The following SGSM2 variants were observed in gnomAD, a reference collection of about 807,000 sequenced individuals.
SGSM2 encodes small G protein signaling modulator 2, also known as RUN and TBC1 domain containing 1.
In SGSM2, 89 loss-of-function variants were observed where a neutral mutation model predicts 126.6. That is an observed-to-expected ratio of 0.70 (90% CI 0.59 to 0.84). The LOEUF (loss-of-function observed/expected upper bound fraction) is 0.84, where lower values mean the gene tolerates loss of function less well. Ranked by LOEUF, SGSM2 falls within the 40% of genes least tolerant of loss-of-function variation. SGSM2 has a pLI of 0.00. For missense variants in SGSM2, 1,404 were observed against 1,416.6 expected, an observed-to-expected ratio of 0.99 and a Z score of 0.14; for synonymous variants, 614 against 574.3, an observed-to-expected ratio of 1.07 and a Z score of -0.99.
In SGSM2 at chr17:2,372,328, C is replaced by T. The variant is rs368089721; in HGVS notation, c.1643-15C>T. 6.4e-5 allele frequency: 103 copies of T among 1,603,126 alleles called. No homozygotes were observed. Among genetic ancestry groups the T allele is most frequent in the Middle Eastern group, 1.7e-4 (1 of 5,846 alleles). The stretch of plus-strand genomic sequence containing the variant: ...TGGGTCCCAGCCTCCTGCTGCCCAC[C>T]GCTGCCCACCGCAGGGCTGGCACAC... On this transcript the variant is annotated splice_polypyrimidine_tract_variant and intron_variant, in intron 14 of 23. Coordinates refer to ENST00000268989, the MANE Select transcript of SGSM2 (RefSeq NM_014853.3). The surrounding 1 kb of genome is among the most constrained non-coding windows in gnomAD (Gnocchi z 6.0).
rs2065893700 is a variant in SGSM2, at chr17:2,372,002, C to G, written c.1578-188C>G. 4 of 653,746 alleles carry G rather than the reference C, an allele frequency of 6.1e-6. No individual in the cohort carries two copies. The South Asian group carries it at 7.6e-5, about 12-fold the overall frequency. The allele number at this position is 653,746 out of a possible 1,614,324, so 40.5% of individuals were successfully genotyped here. On this transcript the variant is annotated intron_variant, in intron 13 of 23. Transcript: ENST00000268989. This position sits in a 1 kb window ranked among gnomAD's most constrained non-coding sequence, Gnocchi z 6.0. ...GGTGGTTGGGGGCCAGGCGGGGGCC[C>G]CACAGCACTCTGTCCAGGTGGCAGG...
rs927839158 is a variant in SGSM2 at position 2,362,793 on chromosome 17, A to G, written c.459-45A>G. 1.9e-6 allele frequency: 3 copies of G among 1,604,686 alleles called. No individual in the cohort carries two copies. The African/African-American group carries it at 4.0e-5, about 21-fold the overall frequency. On this transcript the variant is annotated intron_variant, in intron 4 of 23. Coordinates refer to ENST00000268989, the MANE Select transcript of SGSM2 (RefSeq NM_014853.3). This position sits in a 1 kb window ranked among gnomAD's most constrained non-coding sequence, Gnocchi z 4.9. ...ACCTGGTGAGCTTGACTGCCCTGGA[A>G]TGAGCCCCGGAGCCTCGGCAGTCAC...
intron 10 of SGSM2, 22 bp from the exon 11 acceptor site, chr17:2,365,193 C>A (rs1338564392): frequency 6.2e-7 from 1 of 1,602,390 alleles, no homozygotes; most frequent in Non-Finnish European, 8.5e-7. Context: ...TACAGCCCGA[C>A]CACCTACCCC....
intron 1 of SGSM2, among the ~76,000 whole-genome samples, chr17:2,342,281 A>T (rs2151473452): frequency 6.7e-6 from 1 of 149,204 alleles, no homozygotes; most frequent in Non-Finnish European, 1.5e-5. Context: ...AAAAAAAGCC[A>T]GGTGTGGTGG....
In SGSM2 at chr17:2,337,828, G is replaced by A. The variant is rs1254774039; in HGVS notation, c.57+83G>A. ...GCAGAAAGGTCCGCGCCCACCCCCC[G>A]GCGCGGGCACCCGGGCCGAACCTGG... On this transcript the variant is annotated intron_variant, in intron 1 of 23. Transcript: ENST00000268989. The surrounding 1 kb of genome is among the most constrained non-coding windows in gnomAD (Gnocchi z 5.1). 27 of 1,104,618 alleles carry A rather than the reference G, an allele frequency of 2.4e-5. No homozygotes were observed. Among genetic ancestry groups the A allele is most frequent in the Admixed American group, 3.6e-5 (1 of 27,412 alleles). 68.4% of individuals were successfully genotyped at this position (1,104,618 alleles called of 1,614,324 possible). A position where few individuals can be genotyped will look rare whatever the true frequency, so the allele number is the denominator to read the frequency against.
At chr17:2,358,796 C>A (rs2065183181) in intron 2 of SGSM2, among the ~76,000 whole-genome samples, 1 of 151,838 alleles carries the variant, frequency 6.6e-6, no homozygotes, top group African/African-American at 2.4e-5. Flanking sequence ...CTCTCCTAAT[C>A]ATTCTAGAGC....
At chr17:2,364,762 C>G in intron 9 of SGSM2, 99 bp downstream of exon 9, 1 of 1,561,062 alleles carries the variant, frequency 6.4e-7, no homozygotes, top group Non-Finnish European at 8.8e-7. Flanking sequence ...CGTCCTCCTC[C>G]CATCCTTGTT....
intron 22 of SGSM2, 26 bp from the exon 23 acceptor site, chr17:2,379,010 G>A (rs1260348327): frequency 6.2e-7 from 1 of 1,605,892 alleles, no homozygotes; most frequent in South Asian, 1.1e-5. Context: ...TAGGACGGGT[G>A]AGCAGCAGCC....
Position 2,371,389 on chromosome 17 carries a change from C to G in SGSM2, c.1551C>G (p.Pro517=), listed in dbSNP as rs377420262. ...CSSSSSPHAT[P]SHCSCIPDRL... ...CCAGCAGCTCCCCACATGCAACCCC[C>G]AGCCACTGTAGCTGCATCCCCGACC... The change falls in exon 13 of 24, where the codon CCC becomes CCG. Residue 517 remains proline, a synonymous_variant. Coordinates refer to ENST00000268989, the MANE Select transcript of SGSM2 (RefSeq NM_014853.3). 3 of 1,610,102 alleles carry G rather than the reference C, an allele frequency of 1.9e-6. No individual in the cohort carries two copies. Among genetic ancestry groups the G allele is most frequent in the Non-Finnish European group, 2.5e-6 (3 of 1,178,458 alleles).
At chr17:2,360,299 A>G (rs1470074929) in intron 2 of SGSM2, among the ~76,000 whole-genome samples, 1 of 152,150 alleles carries the variant, frequency 6.6e-6, no homozygotes, top group Non-Finnish European at 1.5e-5. Flanking sequence ...GTGAGCTGAG[A>G]TTCCACGATT....
In SGSM2 at chr17:2,372,055, C is replaced by A; in HGVS notation, c.1578-135C>A. Reference sequence around the variant, plus strand: ...GGGACAGGGCACCCACTGACGGCTGCTGGGCTGCGGCTCCTCCTCCTCGCA... The same window carrying A: ...GGGACAGGGCACCCACTGACGGCTGATGGGCTGCGGCTCCTCCTCCTCGCA... On this transcript the variant is annotated intron_variant, in intron 13 of 23. Coordinates refer to ENST00000268989, the MANE Select transcript of SGSM2 (RefSeq NM_014853.3). This position sits in a 1 kb window ranked among gnomAD's most constrained non-coding sequence, Gnocchi z 6.0. 1 of 1,041,240 alleles carries A rather than the reference C, an allele frequency of 9.6e-7. No individual in the cohort carries two copies. Among genetic ancestry groups the A allele is most frequent in the Non-Finnish European group, 1.4e-6 (1 of 697,360 alleles). 64.5% of individuals were successfully genotyped at this position (1,041,240 alleles called of 1,614,324 possible).
intron 2 of SGSM2, 96 bp downstream of exon 2, chr17:2,343,716 T>G: frequency 3.8e-6 from 4 of 1,054,036 alleles, no homozygotes; most frequent in Non-Finnish European, 5.7e-6. Flanking sequence ...GCAGTAGCTC[T>G]CAAATCTGGC....
At position 2,363,725 on chromosome 17, in the gene SGSM2, C is replaced by T. The variant is rs2065429016; in HGVS notation, c.807+126C>T. The T allele has an allele frequency of 1.5e-6, 2 of 1,338,772 alleles. No homozygotes were observed. Among genetic ancestry groups the T allele is most frequent in the East Asian group, 5.0e-5 (2 of 40,364 alleles). The allele number at this position is 1,338,772 out of a possible 1,614,324, so 82.9% of individuals were successfully genotyped here. A position where few individuals can be genotyped will look rare whatever the true frequency, so the allele number is the denominator to read the frequency against. On this transcript the variant is annotated intron_variant, in intron 7 of 23. Coordinates refer to ENST00000268989, the MANE Select transcript of SGSM2 (RefSeq NM_014853.3). The surrounding 1 kb of genome is among the most constrained non-coding windows in gnomAD (Gnocchi z 4.2). ...AGACGGGGGGGAGAATGGCCCCAGC[C>T]TCCCAACTCCCTGTTTCACACGACT... is the stretch of plus-strand genomic sequence containing the variant.
rs2065392113 is a variant in SGSM2, at chr17:2,363,105, G to C, written c.643G>C (p.Asp215His). ...HRIRGPPTRQ[D>H]SPAKRPALGI... Reference sequence around the variant, plus strand: ...CATCCGGGGTCCACCTACTCGCCAGGACTCCCCTGCAAAGCGCCCAGCCCT... The same window carrying C: ...CATCCGGGGTCCACCTACTCGCCAGCACTCCCCTGCAAAGCGCCCAGCCCT... Residue 215 changes from aspartate to histidine, a missense_variant, in exon 6 of 24, where the codon GAC (aspartate) becomes CAC (histidine). Physicochemically the swap from Asp to His is moderately conservative, Grantham distance 81. Transcript: ENST00000268989. The surrounding 1 kb of genome is among the most constrained non-coding windows in gnomAD (Gnocchi z 4.2). 3.1e-6 allele frequency: 5 copies of C among 1,610,914 alleles called. No individual in the cohort carries two copies. In the South Asian group the frequency reaches 5.5e-5, roughly 18 times the overall value.
chr17:2,365,166 G>A (rs1451224285), intron 10 of SGSM2, 49 bp from the exon 11 acceptor site: 1 of 1,590,074 alleles, frequency 6.3e-7, no homozygotes, highest in Non-Finnish European at 8.6e-7. Flanking sequence ...TGGAACCCTG[G>A]ATGAGACTCT....
In SGSM2 at chr17:2,367,534, C is replaced by A; in HGVS notation, c.1423+129C>A. ...GACTTGCACCCAGGGCAGTTCCCTTCCATCGGGGGCAGATCAGGGAGGGCA... is the reference window on the plus strand; with the variant it reads ...GACTTGCACCCAGGGCAGTTCCCTTACATCGGGGGCAGATCAGGGAGGGCA... On this transcript the variant is annotated intron_variant, in intron 12 of 23. Transcript: ENST00000268989. The surrounding 1 kb of genome is among the most constrained non-coding windows in gnomAD (Gnocchi z 4.0). 1.9e-6 allele frequency: 2 copies of A among 1,041,622 alleles called. No homozygotes were observed. Among genetic ancestry groups the A allele is most frequent in the Non-Finnish European group, 1.4e-6 (1 of 723,278 alleles). The allele number at this position is 1,041,622 out of a possible 1,614,324, so 64.5% of individuals were successfully genotyped here.
intron 2 of SGSM2, among the ~76,000 whole-genome samples, chr17:2,354,294 C>G (rs916496878): frequency 3.3e-5 from 5 of 152,106 alleles, no homozygotes; most frequent in Non-Finnish European, 5.9e-5. Flanking sequence ...GTGACCCACC[C>G]GCCTCGGCCT....
rs138403726 is a variant in SGSM2 at position 2,379,621 on chromosome 17, C to T, written c.*101C>T. On this transcript the variant is annotated 3_prime_UTR_variant, in exon 24 of 24. Transcript: ENST00000268989. ...CCTCCCCAGCCACCAACCGACCCCACCTCTGTTCCTAACAAAGCGGTTGTG... is the reference window on the plus strand; with the variant it reads ...CCTCCCCAGCCACCAACCGACCCCATCTCTGTTCCTAACAAAGCGGTTGTG... The T allele has an allele frequency of 1.6e-4, 237 of 1,512,402 alleles. No homozygotes were observed. Among genetic ancestry groups the T allele is most frequent in the Admixed American group, 2.9e-4 (14 of 49,010 alleles). The allele number at this position is 1,512,402 out of a possible 1,614,324, so 93.7% of individuals were successfully genotyped here.
Position 2,373,681 on chromosome 17 carries a change from C to T in SGSM2, c.2100+168C>T. 3 of 613,128 alleles carry T rather than the reference C, an allele frequency of 4.9e-6. No individual in the cohort carries two copies. In the South Asian group the frequency reaches 6.0e-5, roughly 12 times the overall value. The allele number at this position is 613,128 out of a possible 1,614,324, so 38.0% of individuals were successfully genotyped here. A position where few individuals can be genotyped will look rare whatever the true frequency, so the allele number is the denominator to read the frequency against. On this transcript the variant is annotated intron_variant, in intron 17 of 23. Transcript: ENST00000268989. ...CAACTGGAAATGGCTAACTGTGCCT[C>T]TGCTGCCTACTTCTCTGGGTATTGT... is the stretch of plus-strand genomic sequence containing the variant.
Sources: allele counts gnomAD v4.1 joint callset (sites outside exome capture counted in the v4.1 genomes callset), GRCh38; gene constraint gnomAD v4.1.1; non-coding constraint Gnocchi (gnomAD v3.1); transcripts MANE v1.5; gene names NCBI Gene and HGNC (gene_info 2026-07-23, HGNC 2026-07-21).